The following FOXP2 variants were observed in gnomAD, a reference collection of about 807,000 sequenced individuals.
The protein encoded by FOXP2 is forkhead box protein P2.
FOXP2 carries 12 observed loss-of-function variants against 115.8 expected under a neutral mutation model. The observed-to-expected ratio is 0.10, with a 90% confidence interval of 0.07 to 0.17. The LOEUF is 0.17. FOXP2 is among the 10% of genes least tolerant of loss of function. The probability of loss-of-function intolerance (pLI) is 1.00; values close to 1 mark genes in which losing one functional copy is unlikely to be tolerated. For missense variants in FOXP2, 629 were observed against 843.5 expected (o/e 0.75, Z 3.15); for synonymous variants, 328 against 297.7 (o/e 1.10, Z -1.05).
chr7:114,547,754 G>A (rs746489309), intron 3 of FOXP2, among the ~76,000 whole-genome samples: 24 of 150,898 alleles, frequency 1.6e-4, no homozygotes, highest in Non-Finnish European at 2.5e-4. Context: ...GCGAGACGTC[G>A]TCTCAAAAAA....
At chr7:114,195,759 A>G (rs1055933417) in intron 1 of FOXP2, among the ~76,000 whole-genome samples, 3 of 152,132 alleles carry the variant, frequency 2.0e-5, no homozygotes, top group Non-Finnish European at 4.4e-5. Flanking sequence ...AGGGCTTACT[A>G]AGTTGATTGG....
At position 114,247,091 on chromosome 7, in the gene FOXP2, A is replaced by G. The variant is rs576330466; in HGVS notation, c.-101-40928A>G. On this transcript the variant is annotated intron_variant, in intron 1 of 17. Transcript: ENST00000634411. ...TTTTTATTCTTTATCACTGTGTTTTACAAAATAATCTCATGATAAATTCTC... is the reference window on the plus strand; with the variant it reads ...TTTTTATTCTTTATCACTGTGTTTTGCAAAATAATCTCATGATAAATTCTC... Among the ~76,000 whole-genome samples, 3 of 152,302 alleles carry G rather than the reference A, an allele frequency of 2.0e-5. No individual in the cohort carries two copies. In the East Asian group the frequency reaches 5.8e-4, roughly 29 times the overall value.
chr7:114,691,723 G>C lies in FOXP2; in HGVS notation c.*1797G>C, dbSNP rs1000283948. 2.2e-6 allele frequency: 1 copy of C among 454,014 alleles called. No homozygotes were observed. The highest frequency in any genetic ancestry group is 2.0e-5 in the African/African-American group (1 of 49,952). 28.1% of individuals were successfully genotyped at this position (454,014 alleles called of 1,614,324 possible). On this transcript the variant is annotated 3_prime_UTR_variant, in exon 17 of 17. Coordinates refer to ENST00000350908, the MANE Select transcript of FOXP2 (RefSeq NM_014491.4). ...GCTTTACAAACAGTTTTGACAGAAG[G>C]TGGCTGCTAGAGCTTAACATACGTT...
intron 14 of FOXP2, 128 bp from the exon 15 acceptor site, chr7:114,663,322 G>A: frequency 1.5e-6 from 1 of 667,038 alleles, no homozygotes; most frequent in Admixed American, 2.6e-5. Flanking sequence ...TATTTTTGTG[G>A]CCTTATATAC....
At position 114,597,038 on chromosome 7, in the gene FOXP2, C is replaced by A. The variant is rs568530731; in HGVS notation, c.259-31502C>A. Among the ~76,000 whole-genome samples the A allele has an allele frequency of 5.4e-4, 82 of 152,056 alleles. 1 individual carries two copies. Among genetic ancestry groups the A allele is most frequent in the African/African-American group, 1.8e-3 (76 of 41,530 alleles). ...AATTATTATAATTCAAAAAAACTTT[C>A]TTTTGGTAGTGTGTAAGAAAAAATT... is the stretch of plus-strand genomic sequence containing the variant. On this transcript the variant is annotated intron_variant, in intron 3 of 16. Coordinates refer to ENST00000350908, the MANE Select transcript of FOXP2 (RefSeq NM_014491.4).
At chr7:114,469,964 T>C (rs1057325140) in intron 2 of FOXP2, among the ~76,000 whole-genome samples, 1 of 152,180 alleles carries the variant, frequency 6.6e-6, no homozygotes, top group African/African-American at 2.4e-5. Flanking sequence ...GTCCATATTG[T>C]TCTTAATTAG....
intron 3 of FOXP2, among the ~76,000 whole-genome samples, chr7:114,590,615 A>G (rs573449628): frequency 1.3e-5 from 2 of 152,178 alleles, no homozygotes; most frequent in Non-Finnish European, 2.9e-5. Context: ...AGAGCCATTT[A>G]TGAACTTTTA....
chr7:114,259,152 C>T (rs1039043433), intron 1 of FOXP2, among the ~76,000 whole-genome samples: 3 of 151,924 alleles, frequency 2.0e-5, no homozygotes, highest in Non-Finnish European at 2.9e-5. Flanking sequence ...CCATTTCAAC[C>T]GATGAACAGT....
chr7:114,293,737 C>G (rs531188001), intron 2 of FOXP2, among the ~76,000 whole-genome samples: 1 of 152,314 alleles, frequency 6.6e-6, no homozygotes, highest in East Asian at 1.9e-4. Context: ...ACCACCCTGT[C>G]TTCAGAAGAA....
intron 2 of FOXP2, among the ~76,000 whole-genome samples, chr7:114,514,094 C>CAA (rs1179369505): frequency 1.0e-4 from 5 of 49,264 alleles, no homozygotes; most frequent in African/African-American, 3.7e-4. Flanking sequence ...TATACACACA[C>CAA]ACACACACAC....
At chr7:114,227,371 C>A (rs1322124550) in intron 1 of FOXP2, among the ~76,000 whole-genome samples, 2 of 151,982 alleles carry the variant, frequency 1.3e-5, no homozygotes, top group African/African-American at 4.8e-5. Context: ...ATGCTTGGAG[C>A]AAAGACTCCA....
intron 13 of FOXP2, 29 bp from the exon 14 acceptor site, chr7:114,662,036 C>G: frequency 6.2e-7 from 1 of 1,611,162 alleles, no homozygotes; most frequent in South Asian, 1.1e-5. Context: ...TTATTTTTGC[C>G]ATTTTTTCTT....
intron 3 of FOXP2, among the ~76,000 whole-genome samples, chr7:114,552,094 G>C (rs536980823): frequency 6.6e-6 from 1 of 152,112 alleles, no homozygotes. Flanking sequence ...GAATTTGTGC[G>C]TACATTCATG....
chr7:114,605,861 T>C (rs959286108), intron 3 of FOXP2, among the ~76,000 whole-genome samples: 1 of 152,178 alleles, frequency 6.6e-6, no homozygotes, highest in Non-Finnish European at 1.5e-5. Context: ...GAGAGCTTTT[T>C]AGTATTTGAC....
At chr7:114,344,370 CAT>C (rs1319380851) in intron 2 of FOXP2, among the ~76,000 whole-genome samples, 2 of 151,810 alleles carry the variant, frequency 1.3e-5, no homozygotes, top group Non-Finnish European at 2.9e-5. Flanking sequence ...GATACAAAGA[CAT>C]ATAATACAGC....
chr7:114,382,442 G>A (rs889383231), intron 2 of FOXP2, among the ~76,000 whole-genome samples: 1 of 152,212 alleles, frequency 6.6e-6, no homozygotes, highest in Admixed American at 6.5e-5. Context: ...CATGGACGAG[G>A]TGGTGGCTTA....
chr7:114,462,639 A>G (rs964584723), intron 2 of FOXP2, among the ~76,000 whole-genome samples: 1 of 152,044 alleles, frequency 6.6e-6, no homozygotes, highest in Non-Finnish European at 1.5e-5. Context: ...CCAAAGTGCT[A>G]GGATTACAGG....
intron 2 of FOXP2, among the ~76,000 whole-genome samples, chr7:114,491,075 C>A: frequency 6.6e-6 from 1 of 152,308 alleles, no homozygotes; most frequent in Middle Eastern, 3.4e-3. Flanking sequence ...CCTGAGGAAT[C>A]GCCACACTGA....
At chr7:114,440,174 G>C (rs1407346458) in intron 2 of FOXP2, among the ~76,000 whole-genome samples, 1 of 152,110 alleles carries the variant, frequency 6.6e-6, no homozygotes, top group African/African-American at 2.4e-5. Flanking sequence ...TAAACCATCT[G>C]TTCAAAGTCA....
Sources: gnomAD v4.1 joint callset for allele counts (sites outside exome capture counted in the v4.1 genomes callset) on GRCh38, gnomAD v4.1.1 for gene constraint, MANE v1.5 for transcripts, NCBI Gene and HGNC (gene_info 2026-07-23, HGNC 2026-07-21) for gene names.